Variants in MAP2 observed in about 807,000 individuals in gnomAD.
MAP2 encodes microtubule associated protein 2, also known as microtubule-associated protein 2.
MAP2 carries 14 observed loss-of-function variants against 137.6 expected under a neutral mutation model. That is an observed-to-expected ratio of 0.10 (90% CI 0.07 to 0.16). MAP2 has a LOEUF of 0.16. MAP2 is among the 10% of genes least tolerant of loss of function. MAP2 has a pLI of 1.00. For synonymous variants in MAP2, 786 were observed against 782.3 expected (o/e 1.00, Z -0.08); for missense variants, 2,088 against 2,191.5 (o/e 0.95, Z 0.94).
intron 1 of MAP2, among the ~76,000 whole-genome samples, chr2:209,494,432 T>TAAAAA (rs34659853): frequency 8.1e-5 from 11 of 135,666 alleles, no homozygotes; most frequent in Admixed American, 2.2e-4. Flanking sequence ...AAAGTATAAT[T>TAAAAA]AAAAAAAAAA....
intron 7 of MAP2, among the ~76,000 whole-genome samples, chr2:209,690,300 G>A (rs746788404): frequency 9.2e-5 from 14 of 151,950 alleles, no homozygotes; most frequent in East Asian, 3.9e-4. Flanking sequence ...ACTTACTGCC[G>A]TTTCCAATAA....
chr2:209,500,746 CA>C (rs1483569138), intron 1 of MAP2, among the ~76,000 whole-genome samples: 2 of 151,838 alleles, frequency 1.3e-5, no homozygotes, highest in South Asian at 4.1e-4. Context: ...CAAACAACAA[CA>C]AAAAAACCCT....
At chr2:209,661,300 A>G (rs2043501607) in intron 5 of MAP2, among the ~76,000 whole-genome samples, 1 of 152,174 alleles carries the variant, frequency 6.6e-6, no homozygotes, top group Non-Finnish European at 1.5e-5. Context: ...ATGCGGAGCA[A>G]AATAGCACTG....
Position 209,535,498 on chromosome 2 carries a change from A to G in MAP2, c.-172+27857A>G, listed in dbSNP as rs116662264. On this transcript the variant is annotated intron_variant, in intron 2 of 15. Transcript: ENST00000682079. The stretch of plus-strand genomic sequence containing the variant: ...TAGCATCTTTTCGTCTCTCATAAAT[A>G]TATTTTCAGCCATGAATGCATGGTT... 2.2e-3 allele frequency among the ~76,000 whole-genome samples: 340 copies of G among 151,284 alleles called. 1 individual carries two copies. The highest frequency in any genetic ancestry group is 7.5e-3 in the African/African-American group (308 of 41,258).
intron 2 of MAP2, among the ~76,000 whole-genome samples, chr2:209,542,841 G>T (rs1487147881): frequency 2.6e-5 from 4 of 152,232 alleles, no homozygotes; most frequent in Non-Finnish European, 5.9e-5. Context: ...GTTGTGGATA[G>T]TTTGGTCTTC....
At chr2:209,648,571 A>T (rs1373577073) in intron 4 of MAP2, among the ~76,000 whole-genome samples, 2 of 150,334 alleles carry the variant, frequency 1.3e-5, no homozygotes, top group Non-Finnish European at 3.0e-5. Flanking sequence ...CTTTTCAGGG[A>T]AGAGAAATAA....
intron 13 of MAP2, among the ~76,000 whole-genome samples, chr2:209,719,314 CA>C (rs780989069): frequency 2.7e-4 from 41 of 152,234 alleles, no homozygotes; most frequent in Non-Finnish European, 2.9e-4. Context: ...AGTCACCCTC[CA>C]CATCTCACCA....
intron 1 of MAP2, among the ~76,000 whole-genome samples, chr2:209,457,448 C>G (rs904034643): frequency 6.6e-6 from 1 of 152,140 alleles, no homozygotes; most frequent in African/African-American, 2.4e-5. Flanking sequence ...AGGAATGATA[C>G]AGTACAAAAA....
intron 13 of MAP2, 136 bp from the exon 14 acceptor site, chr2:209,725,573 G>T: frequency 2.1e-6 from 1 of 471,582 alleles, no homozygotes. Flanking sequence ...CTCTGTTTGT[G>T]TGTGTACTTC....
intron 2 of MAP2, among the ~76,000 whole-genome samples, chr2:209,575,783 A>G (rs993471627): frequency 2.6e-5 from 4 of 152,120 alleles, no homozygotes; most frequent in African/African-American, 9.7e-5. Context: ...AACATGTAAA[A>G]ATGACTGCCC....
intron 14 of MAP2, among the ~76,000 whole-genome samples, chr2:209,726,679 A>G (rs565048206): frequency 6.0e-4 from 92 of 152,312 alleles, no homozygotes; most frequent in African/African-American, 2.1e-3. Context: ...CAAGAGGATC[A>G]CTTAGTTTCA....
intron 11 of MAP2, chr2:209,704,122 C>T (rs2062626858): frequency 2.2e-6 from 1 of 449,402 alleles, no homozygotes; most frequent in African/African-American, 2.0e-5. Flanking sequence ...AATCCTTCCC[C>T]CACTTTTGGA....
intron 3 of MAP2, among the ~76,000 whole-genome samples, chr2:209,612,131 G>A (rs934262443): frequency 1.3e-5 from 2 of 152,052 alleles, no homozygotes; most frequent in African/African-American, 4.8e-5. Flanking sequence ...TTCATGCAGC[G>A]CCTTTATTGG....
At chr2:209,651,627 C>T (rs2094805682) in intron 4 of MAP2, among the ~76,000 whole-genome samples, 1 of 152,126 alleles carries the variant, frequency 6.6e-6, no homozygotes, top group Non-Finnish European at 1.5e-5. Context: ...TAGCGATACT[C>T]CCTGATTTAC....
At chr2:209,470,538 G>A (rs1460058405) in intron 1 of MAP2, among the ~76,000 whole-genome samples, 2 of 151,470 alleles carry the variant, frequency 1.3e-5, no homozygotes, top group Non-Finnish European at 2.9e-5. Context: ...TTTTTCTCCT[G>A]TAAAATAAGT....
intron 1 of MAP2, among the ~76,000 whole-genome samples, chr2:209,447,746 A>G (rs372712148): frequency 6.6e-6 from 1 of 152,052 alleles, no homozygotes. Context: ...GACCTGTACT[A>G]TCAGTACTTC....
chr2:209,694,004 A>C lies in MAP2; in HGVS notation c.1834A>C (p.Met612Leu). ...TGAGTCTATTGATACCATGTCTCCCATGCATAAAAATGGTGACAAGGAGTT... is the reference window on the plus strand; with the variant it reads ...TGAGTCTATTGATACCATGTCTCCCCTGCATAAAAATGGTGACAAGGAGTT... ...VHESIDTMSP[M>L]HKNGDKEFQT... The change falls in exon 8 of 16, where the codon ATG becomes CTG. Residue 612 changes from methionine to leucine, a missense_variant. Physicochemically the swap from Met to Leu is conservative, Grantham distance 15. Transcript: ENST00000682079. 6.2e-7 allele frequency: 1 copy of C among 1,614,014 alleles called. No homozygotes were observed. The highest frequency in any genetic ancestry group is 8.5e-7 in the Non-Finnish European group (1 of 1,179,980).
chr2:209,473,890 T>A (rs1706458058), intron 1 of MAP2, among the ~76,000 whole-genome samples: 1 of 152,188 alleles, frequency 6.6e-6, no homozygotes. Context: ...TTAAAAAAAT[T>A]ATCACATATT....
rs2153718652 is a variant in MAP2, at chr2:209,693,666, T to A, written c.1496T>A (p.Phe499Tyr). The stretch of plus-strand genomic sequence containing the variant: ...ACAGATATGTTGAAACAGGACTCGT[T>A]CCCTGTAAGTTTGGAGCAAGCAGTT... ...PTTDMLKQDS[F>Y]PVSLEQAVTD... Residue 499 changes from phenylalanine to tyrosine, a missense_variant, in exon 8 of 16, where the codon TTC (phenylalanine) becomes TAC (tyrosine). This residue lies in a region of MAP2 where 859 missense variants were observed against 794.5 expected (regional missense o/e 1.08). Transcript: ENST00000682079. 1 of 1,613,816 alleles carries A rather than the reference T, an allele frequency of 6.2e-7. No individual in the cohort carries two copies. Among genetic ancestry groups the A allele is most frequent in the East Asian group, 2.2e-5 (1 of 44,860 alleles).
Sources: allele counts gnomAD v4.1 joint callset (sites outside exome capture counted in the v4.1 genomes callset), GRCh38; gene constraint gnomAD v4.1.1; regional missense constraint gnomAD v4.1.1; transcripts MANE v1.5; gene names NCBI Gene and HGNC (gene_info 2026-07-23, HGNC 2026-07-21).